Variants in ANKFN1 observed in about 807,000 individuals in gnomAD.
ANKFN1 encodes ankyrin repeat and fibronectin type-III domain-containing protein 1.
ANKFN1 carries 74 observed loss-of-function variants against 108.7 expected under a neutral mutation model. That is an observed-to-expected ratio of 0.68 (90% CI 0.56 to 0.83). The LOEUF is 0.83. Ranked by LOEUF, ANKFN1 falls within the 40% of genes least tolerant of loss-of-function variation. The pLI, the probability that ANKFN1 is intolerant of heterozygous loss-of-function variation, is 0.00. For missense variants in ANKFN1, 1,505 were observed against 1,382.3 expected (o/e 1.09, Z -1.41); for synonymous variants, 547 against 516.2 (o/e 1.06, Z -0.81).
At chr17:56,121,757 T>C (rs1199180030) in intron 4 of ANKFN1, among the ~76,000 whole-genome samples, 2 of 152,160 alleles carry the variant, frequency 1.3e-5, no homozygotes, top group South Asian at 2.1e-4. Flanking sequence ...ATCATTAACA[T>C]TGGTTATATG....
intron 4 of ANKFN1, among the ~76,000 whole-genome samples, chr17:56,331,285 C>G (rs1212467450): frequency 1.3e-5 from 2 of 152,166 alleles, no homozygotes; most frequent in Admixed American, 6.6e-5. Context: ...CATACCTGAA[C>G]TACCCTCTGA....
intron 4 of ANKFN1, among the ~76,000 whole-genome samples, chr17:56,099,910 A>C (rs1905608190): frequency 6.6e-6 from 1 of 152,238 alleles, no homozygotes; most frequent in Non-Finnish European, 1.5e-5. Flanking sequence ...AGAGTGACTC[A>C]GTCACTTCAC....
At chr17:56,354,126 T>C (rs1002751667) in intron 6 of ANKFN1, 80 bp downstream of exon 6, 1 of 1,387,338 alleles carries the variant, frequency 7.2e-7, no homozygotes, top group East Asian at 2.4e-5. Context: ...ATTGCTGACT[T>C]TCAGAGCAGG....
At chr17:56,495,348 T>A (rs1431270401) in intron 19 of ANKFN1, among the ~76,000 whole-genome samples, 3 of 151,912 alleles carry the variant, frequency 2.0e-5, no homozygotes, top group African/African-American at 7.3e-5. Context: ...ACTCACTCAC[T>A]CACTCTGTCT....
At chr17:56,194,425 T>C (rs778379259) in intron 1 of ANKFN1, among the ~76,000 whole-genome samples, 5 of 152,170 alleles carry the variant, frequency 3.3e-5, no homozygotes, top group Non-Finnish European at 5.9e-5. Context: ...TATTATTTAA[T>C]ACTAAAAGAA....
At chr17:56,198,855 G>A (rs1365606471) in intron 1 of ANKFN1, among the ~76,000 whole-genome samples, 2 of 152,136 alleles carry the variant, frequency 1.3e-5, no homozygotes, top group Non-Finnish European at 2.9e-5. Flanking sequence ...CAACTCTGAT[G>A]TAAGGAATGT....
At chr17:56,381,064 C>G (rs1043827907) in intron 8 of ANKFN1, among the ~76,000 whole-genome samples, 2 of 152,176 alleles carry the variant, frequency 1.3e-5, no homozygotes, top group South Asian at 4.1e-4. Context: ...ACACCTCAAA[C>G]GGCCGGGTAC....
intron 3 of ANKFN1, among the ~76,000 whole-genome samples, chr17:56,232,227 G>C (rs534781901): frequency 3.3e-5 from 5 of 152,062 alleles, no homozygotes; most frequent in Non-Finnish European, 7.4e-5. Flanking sequence ...ATTTATCCAA[G>C]TTGCATTTTT....
At position 56,170,772 on chromosome 17, in the gene ANKFN1, TTTTATATA is replaced by T. The variant is rs1362196461; in HGVS notation, c.-71+17244_-71+17251del. On this transcript the variant is annotated intron_variant, in intron 1 of 20. Transcript: ENST00000682825. ...GGTGAGACTCTGTCAAGAAAAAATT[TTTTATATA>T]TATATATATATATATATATATATAT... Among the ~76,000 whole-genome samples, 9 of 54,216 alleles carry T rather than the reference TTTTATATA, an allele frequency of 1.7e-4. No homozygotes were observed. The East Asian group carries it at 4.7e-3, about 28-fold the overall frequency. The allele number at this position is 54,216 out of a possible 152,430, so 35.6% of individuals were successfully genotyped here.
intron 15 of ANKFN1, 25 bp from the exon 16 acceptor site, chr17:56,477,463 T>C (rs759460690): frequency 4.4e-6 from 3 of 687,238 alleles, no homozygotes; most frequent in South Asian, 3.4e-5. Flanking sequence ...TTGTTTTCTT[T>C]TTTTTTTTTT....
intron 4 of ANKFN1, among the ~76,000 whole-genome samples, chr17:56,337,996 G>A (rs370725171): frequency 4.6e-5 from 7 of 151,912 alleles, no homozygotes; most frequent in Non-Finnish European, 1.0e-4. Flanking sequence ...ATAAAGGCAC[G>A]TGCACACGTA....
At chr17:56,318,130 AT>A (rs1567909081) in intron 3 of ANKFN1, among the ~76,000 whole-genome samples, 1 of 151,992 alleles carries the variant, frequency 6.6e-6, no homozygotes, top group Non-Finnish European at 1.5e-5. Flanking sequence ...TTTAAATTTT[AT>A]TTTTATTTTT....
In ANKFN1 at chr17:56,084,483, G is replaced by A. The variant is rs111681117; in HGVS notation, c.288+38158G>A. On this transcript the variant is annotated intron_variant, in intron 4 of 12. Coordinates refer to the ANKFN1 transcript ENST00000635860. ...GGCTTTGCAGCACCTTGGAGAAGTC[G>A]GGAGAGGCCCTCTTAGTTCTGAGGT... Among the ~76,000 whole-genome samples the A allele has an allele frequency of 1.3e-3, 192 of 151,448 alleles. 6 individuals are homozygous for A. Among genetic ancestry groups the A allele is most frequent in the Non-Finnish European group, 2.2e-3 (146 of 67,730 alleles).
chr17:56,060,463 C>G (rs1904953428), intron 4 of ANKFN1, among the ~76,000 whole-genome samples: 1 of 152,152 alleles, frequency 6.6e-6, no homozygotes, highest in South Asian at 2.1e-4. Context: ...ACTTCCAATA[C>G]TATGTTGAAT....
chr17:56,085,795 A>G (rs1056911731), intron 4 of ANKFN1, among the ~76,000 whole-genome samples: 3 of 151,320 alleles, frequency 2.0e-5, no homozygotes, highest in Non-Finnish European at 3.0e-5. Context: ...CCACCACATG[A>G]TGATGTCATT....
chr17:56,371,145 T>TA (rs1260131820), intron 6 of ANKFN1, among the ~76,000 whole-genome samples: 2 of 151,888 alleles, frequency 1.3e-5, no homozygotes, highest in Admixed American at 6.6e-5. Flanking sequence ...CTGAGGCTTT[T>TA]AAAAAAAAGT....
chr17:56,473,800 A>T (rs987424210), intron 15 of ANKFN1, among the ~76,000 whole-genome samples: 1 of 152,114 alleles, frequency 6.6e-6, no homozygotes, highest in African/African-American at 2.4e-5. Flanking sequence ...AACACAGAGT[A>T]GATGCTCAGT....
intron 4 of ANKFN1, among the ~76,000 whole-genome samples, chr17:56,108,698 T>A (rs527602582): frequency 6.6e-6 from 1 of 152,312 alleles, no homozygotes; most frequent in Non-Finnish European, 1.5e-5. Context: ...AATCCTAATT[T>A]TTCTGGAGTA....
rs577513078 is a variant in ANKFN1 at position 56,416,272 on chromosome 17, G to A, written c.911-24055G>A. On this transcript the variant is annotated intron_variant, in intron 8 of 20. Coordinates refer to ENST00000682825, the MANE Select transcript of ANKFN1 (RefSeq NM_001370326.1). ...CAACGAAGTGAAAAGACAACCCACA[G>A]AATGGGAGAAAATGTTTGCAAACTA... Among the ~76,000 whole-genome samples the A allele has an allele frequency of 9.5e-4, 145 of 152,242 alleles. 1 individual carries two copies. The highest frequency in any genetic ancestry group is 1.9e-3 in the Non-Finnish European group (130 of 68,012).
Sources: allele counts gnomAD v4.1 joint callset (sites outside exome capture counted in the v4.1 genomes callset), GRCh38; gene constraint gnomAD v4.1.1; transcripts MANE v1.5; gene names NCBI Gene and HGNC (gene_info 2026-07-23, HGNC 2026-07-21).